FAAH2: variants seen among roughly 807,000 people sequenced by gnomAD.
FAAH2 encodes fatty acid amide hydrolase 2.
Under a neutral mutation model 36.9 loss-of-function variants are expected in FAAH2, and 60 were observed. The observed-to-expected ratio is 1.63, with a 90% CI of 1.32 to 2.02. FAAH2 has a LOEUF of 2.02. Among genes scored for constraint, FAAH2 ranks in the 30% most tolerant of loss-of-function variants. The pLI is 0.00. For synonymous variants in FAAH2, 214 were observed against 143.8 expected (o/e 1.49, Z -3.49); for missense variants, 689 against 397.5 (o/e 1.73, Z -6.23).
chrX:57,150,588 C>T, the FAAH2 span, among the ~76,000 whole-genome samples: 1 of 111,707 alleles, frequency 9.0e-6, no homozygotes, highest in Non-Finnish European at 1.9e-5. Context: ...GCAACCTCTG[C>T]CCTTTTTTGT....
intron 6 of FAAH2, among the ~76,000 whole-genome samples, chrX:57,379,541 TCTCTCA>T (rs1437389054): frequency 9.3e-6 from 1 of 107,949 alleles, no homozygotes; most frequent in African/African-American, 3.4e-5. Flanking sequence ...GCTCTCTCTC[TCTCTCA>T]CACACACACA....
At chrX:57,166,155 C>G in the FAAH2 span, among the ~76,000 whole-genome samples, 1 of 109,811 alleles carries the variant, frequency 9.1e-6, no homozygotes, top group South Asian at 4.1e-4. Flanking sequence ...TCTGAGCGGC[C>G]TGACCCCAGA....
chrX:57,381,004 A>G lies in FAAH2; in HGVS notation c.971A>G (p.Gln324Arg). The change falls in exon 7 of 11, where the codon CAA becomes CGA. Residue 324 changes from glutamine (Q) to arginine (R), a missense_variant. Physicochemically the swap from Gln to Arg is conservative, Grantham distance 43. Transcript: ENST00000374900. ...TCATTTTTAATGTCCAAAGTGGACC[A>G]AGATCTCATTATGACTCAGAAAAAG... Reference protein sequence around the residue: ...GGSFLMSKVDQDLIMTQKKVV... With the variant: ...GGSFLMSKVDRDLIMTQKKVV... 1 of 1,186,271 alleles carries G rather than the reference A, an allele frequency of 8.4e-7. No homozygotes were observed. Among genetic ancestry groups the G allele is most frequent in the Non-Finnish European group, 1.1e-6 (1 of 880,487 alleles).
At chrX:57,378,836 C>A (rs1392645567) in intron 6 of FAAH2, 50 bp downstream of exon 6, 1 of 1,155,547 alleles carries the variant, frequency 8.7e-7, no homozygotes, top group Non-Finnish European at 1.2e-6. Flanking sequence ...GACATTCATT[C>A]TCTCTTTGTT....
chrX:57,328,608 G>A (rs1168576857), intron 3 of FAAH2, among the ~76,000 whole-genome samples: 2 of 111,735 alleles, frequency 1.8e-5, no homozygotes, highest in Non-Finnish European at 3.8e-5. Flanking sequence ...GAACTAGTGT[G>A]TTTGTGTGGA....
At chrX:57,347,069 G>A (rs2053842378) in intron 5 of FAAH2, among the ~76,000 whole-genome samples, 1 of 110,971 alleles carries the variant, frequency 9.0e-6, no homozygotes. Context: ...ATAGTACCTA[G>A]CTGGAGTTCT....
chrX:57,286,601 C>T (rs371635046), upstream of FAAH2: 3 of 307,875 alleles, frequency 9.7e-6, no homozygotes, highest in Admixed American at 1.2e-4. Context: ...ACAGCACTAA[C>T]GACAGGTAGC....
chrX:57,439,172 A>G (rs1478383572), intron 8 of FAAH2, among the ~76,000 whole-genome samples: 10 of 109,779 alleles, frequency 9.1e-5, no homozygotes, highest in African/African-American at 1.7e-4. Context: ...CTGAGGAATC[A>G]CCACACTGAC....
chrX:57,484,617 C>T (rs906063987), intron 10 of FAAH2, among the ~76,000 whole-genome samples: 2 of 111,558 alleles, frequency 1.8e-5, no homozygotes, highest in Admixed American at 9.5e-5. Context: ...CTCACTCAAC[C>T]CAAATACAGA....
At chrX:57,459,942 C>G (rs1334744927) in intron 10 of FAAH2, among the ~76,000 whole-genome samples, 2 of 111,316 alleles carry the variant, frequency 1.8e-5, no homozygotes, top group African/African-American at 6.5e-5. Context: ...CTCTTCTCCC[C>G]CAAGTGATCA....
the FAAH2 span, among the ~76,000 whole-genome samples, chrX:57,261,384 C>A: frequency 9.2e-6 from 1 of 108,329 alleles, no homozygotes; most frequent in Admixed American, 1.0e-4. Flanking sequence ...GAAACCCTGT[C>A]TCTACTAAAA....
intron 5 of FAAH2, among the ~76,000 whole-genome samples, chrX:57,376,540 T>G (rs1202184506): frequency 8.9e-6 from 1 of 112,004 alleles, no homozygotes; most frequent in Non-Finnish European, 1.9e-5. Flanking sequence ...ACATTTTCTT[T>G]ATCCAGTCTG....
the FAAH2 span, among the ~76,000 whole-genome samples, chrX:57,249,732 T>C: frequency 8.9e-6 from 1 of 112,034 alleles, no homozygotes; most frequent in Admixed American, 9.5e-5. Flanking sequence ...CTGGGTATAC[T>C]ATGTTTGCTT....
rs746541445 is a variant in FAAH2 at position 57,476,775 on chromosome X, T to A, written c.1424-11982T>A. Among the ~76,000 whole-genome samples, 9 of 111,263 alleles carry A rather than the reference T, an allele frequency of 8.1e-5. No individual in the cohort carries two copies. The South Asian group carries it at 2.6e-3, about 33-fold the overall frequency. On this transcript the variant is annotated intron_variant, in intron 10 of 10. Transcript: ENST00000374900. ...CAGAAGGAATGGTACCAGCTCCTCT[T>A]TGTATATATGGTAGAATTTGACTGT...
chrX:57,291,602 T>C (rs1448776809), intron 1 of FAAH2, among the ~76,000 whole-genome samples: 1 of 112,025 alleles, frequency 8.9e-6, no homozygotes, highest in African/African-American at 3.2e-5. Flanking sequence ...CTTGATGTAA[T>C]GTTTATAATT....
intron 3 of FAAH2, among the ~76,000 whole-genome samples, chrX:57,311,038 A>C (rs1346583067): frequency 8.9e-6 from 1 of 112,264 alleles, no homozygotes; most frequent in Non-Finnish European, 1.9e-5. Flanking sequence ...ACCCTAAAGT[A>C]GTTAGGCTAA....
chrX:57,383,715 G>A (rs2054924668), intron 7 of FAAH2, among the ~76,000 whole-genome samples: 1 of 111,791 alleles, frequency 8.9e-6, no homozygotes, highest in African/African-American at 3.3e-5. Flanking sequence ...TCATGGATAG[G>A]AAAAATCAAT....
At chrX:57,163,234 G>A in the FAAH2 span, among the ~76,000 whole-genome samples, 2 of 111,939 alleles carry the variant, frequency 1.8e-5, no homozygotes, top group African/African-American at 3.2e-5. Flanking sequence ...ATCTCCAGCT[G>A]CGTGCTGGGA....
At chrX:57,173,704 GT>G in the FAAH2 span, among the ~76,000 whole-genome samples, 1 of 111,607 alleles carries the variant, frequency 9.0e-6, no homozygotes, top group African/African-American at 3.3e-5. Context: ...TTGGCTGTGG[GT>G]TTGTCATATG....
Sources: gnomAD v4.1 joint callset for allele counts (sites outside exome capture counted in the v4.1 genomes callset) on GRCh38, gnomAD v4.1.1 for gene constraint, MANE v1.5 for transcripts, NCBI Gene and HGNC (gene_info 2026-07-23, HGNC 2026-07-21) for gene names.